Variants in CADM2 observed in about 807,000 individuals in gnomAD.
CADM2 encodes the protein immunoglobulin superfamily member 4D.
CADM2 carries 12 observed loss-of-function variants against 49.8 expected under a neutral mutation model. The observed-to-expected ratio is 0.24, with a 90% CI of 0.15 to 0.39. The LOEUF (loss-of-function observed/expected upper bound fraction) is 0.39, where lower values mean the gene tolerates loss of function less well. Ranked by LOEUF, CADM2 falls within the 10% of genes least tolerant of loss-of-function variation. CADM2 has a pLI of 1.00. For missense variants in CADM2, 378 were observed against 492.3 expected (o/e 0.77, Z 2.20); for synonymous variants, 214 against 175.4 (o/e 1.22, Z -1.74).
intron 1 of CADM2, among the ~76,000 whole-genome samples, chr3:85,285,955 A>G (rs1248126006): frequency 6.6e-6 from 1 of 152,098 alleles, no homozygotes; most frequent in Admixed American, 6.6e-5. Flanking sequence ...TGAAAATGGA[A>G]ATGTTGTACT....
intron 8 of CADM2, among the ~76,000 whole-genome samples, chr3:86,022,336 T>C (rs1014120827): frequency 3.3e-5 from 5 of 152,164 alleles, no homozygotes; most frequent in South Asian, 4.1e-4. Context: ...TTATTCCTTG[T>C]TCTCATTTAA....
chr3:85,107,585 T>TTTTC (rs1553683739), intron 1 of CADM2, among the ~76,000 whole-genome samples: 2 of 66,944 alleles, frequency 3.0e-5, no homozygotes, highest in South Asian at 4.9e-4. Context: ...TCTTTCTTTC[T>TTTTC]TTTCTTTCTT....
At chr3:85,846,183 T>TA (rs1173809645) in intron 3 of CADM2, among the ~76,000 whole-genome samples, 1 of 152,344 alleles carries the variant, frequency 6.6e-6, no homozygotes, top group South Asian at 2.1e-4. Context: ...AGAAGGTTTT[T>TA]ACTAATAGAG....
chr3:86,004,969 C>T (rs959940734), intron 8 of CADM2, among the ~76,000 whole-genome samples: 1 of 152,150 alleles, frequency 6.6e-6, no homozygotes, highest in Non-Finnish European at 1.5e-5. Flanking sequence ...CATATCTGGG[C>T]CACATGCTTT....
chr3:86,036,195 C>T (rs1356979981), intron 8 of CADM2, among the ~76,000 whole-genome samples: 2 of 152,012 alleles, frequency 1.3e-5, no homozygotes, highest in Admixed American at 6.6e-5. Context: ...TAAGTCTATG[C>T]CCACAGGAGA....
intron 1 of CADM2, among the ~76,000 whole-genome samples, chr3:85,100,953 T>G (rs546505663): frequency 6.6e-6 from 1 of 152,056 alleles, no homozygotes; most frequent in Non-Finnish European, 1.5e-5. Context: ...AAGAATAAGA[T>G]GTCATACAAA....
At position 85,288,789 on chromosome 3, in the gene CADM2, C is replaced by A. The variant is rs2043700552; in HGVS notation, c.61+329121C>A. ...GTATTCTGCTTTACCAATATGCCCC[C>A]CCCCCCTCTTTTTTTCCATCATGGC... On this transcript the variant is annotated intron_variant, in intron 1 of 9. Transcript: ENST00000383699. 1.5e-5 allele frequency among the ~76,000 whole-genome samples: 2 copies of A among 130,644 alleles called. 1 individual carries two copies. Among genetic ancestry groups the A allele is most frequent in the Admixed American group, 1.6e-4 (2 of 12,520 alleles). The allele number at this position is 130,644 out of a possible 152,430, so 85.7% of individuals were successfully genotyped here.
At chr3:85,401,996 G>A (rs1179356713) in intron 1 of CADM2, among the ~76,000 whole-genome samples, 2 of 151,904 alleles carry the variant, frequency 1.3e-5, no homozygotes, top group African/African-American at 2.4e-5. Flanking sequence ...GTTTGATAGT[G>A]GTATATTACC....
chr3:85,427,519 C>T (rs79220957), intron 1 of CADM2, among the ~76,000 whole-genome samples: 2,078 of 152,022 alleles, frequency 0.014, 118 homozygotes, highest in South Asian at 0.11. Flanking sequence ...GATAATAATA[C>T]CCTTTATAAA....
intron 1 of CADM2, among the ~76,000 whole-genome samples, chr3:85,104,317 T>A (rs1295487111): frequency 1.4e-4 from 21 of 151,648 alleles, no homozygotes; most frequent in Non-Finnish European, 2.8e-4. Flanking sequence ...CCTTTCCCCA[T>A]TGCTTGTTTT....
intron 1 of CADM2, among the ~76,000 whole-genome samples, chr3:85,003,006 G>A (rs1416533268): frequency 6.6e-6 from 1 of 151,950 alleles, no homozygotes; most frequent in Non-Finnish European, 1.5e-5. Flanking sequence ...TTCCTGCCCA[G>A]GCTTGTCTCA....
chr3:85,311,308 G>A (rs2044336242), intron 1 of CADM2, among the ~76,000 whole-genome samples: 1 of 151,318 alleles, frequency 6.6e-6, no homozygotes, highest in African/African-American at 2.4e-5. Flanking sequence ...TAATAAACAT[G>A]CATACTTTTG....
rs2061831355 is a variant in CADM2 at position 85,552,374 on chromosome 3, T to TTTTTTTTTG, written c.62-174140_62-174139insGTTTTTTTT. ...TTAAATCACTTTGAAAAGTTTTTTT[T>TTTTTTTTTG]TTTTTTTTTTTTTTTTTTTTTTGAG... is the stretch of plus-strand genomic sequence containing the variant. On this transcript the variant is annotated intron_variant, in intron 1 of 9. Coordinates refer to ENST00000383699, the MANE Select transcript of CADM2 (RefSeq NM_001167675.2). 6.0e-3 allele frequency among the ~76,000 whole-genome samples: 112 copies of TTTTTTTTTG among 18,808 alleles called. 3 individuals are homozygous for TTTTTTTTTG. The highest frequency in any genetic ancestry group is 7.2e-3 in the African/African-American group (110 of 15,264). 12.3% of individuals were successfully genotyped at this position (18,808 alleles called of 152,430 possible). A position where few individuals can be genotyped will look rare whatever the true frequency, so the allele number is the denominator to read the frequency against.
At chr3:85,354,528 T>C (rs1022457003) in intron 1 of CADM2, among the ~76,000 whole-genome samples, 1 of 150,904 alleles carries the variant, frequency 6.6e-6, no homozygotes, top group Non-Finnish European at 1.5e-5. Flanking sequence ...AGTGACCTAA[T>C]GCAGAGGAAA....
At chr3:85,798,456 G>A (rs1043442229) in intron 2 of CADM2, among the ~76,000 whole-genome samples, 11 of 152,152 alleles carry the variant, frequency 7.2e-5, no homozygotes, top group African/African-American at 2.7e-4. Context: ...TAAGGTGTAA[G>A]GAAGGGGTCC....
intron 8 of CADM2, chr3:86,012,437 C>A: frequency 4.5e-6 from 2 of 447,316 alleles, no homozygotes; most frequent in Non-Finnish European, 7.8e-6. Context: ...CCGCCCGCCC[C>A]TCGCCCGCGC....
At chr3:85,103,778 T>C (rs942309491) in intron 1 of CADM2, among the ~76,000 whole-genome samples, 1 of 152,184 alleles carries the variant, frequency 6.6e-6, no homozygotes, top group Non-Finnish European at 1.5e-5. Flanking sequence ...ACGTGAGTAC[T>C]TCAAGGAGTA....
At chr3:85,572,113 A>G (rs2062496405) in intron 1 of CADM2, among the ~76,000 whole-genome samples, 1 of 152,082 alleles carries the variant, frequency 6.6e-6, no homozygotes, top group Non-Finnish European at 1.5e-5. Context: ...CCTGACCAAC[A>G]TGGCGAAACC....
intron 1 of CADM2, among the ~76,000 whole-genome samples, chr3:85,287,503 A>G (rs2043663046): frequency 6.6e-6 from 1 of 152,104 alleles, no homozygotes; most frequent in Admixed American, 6.6e-5. Context: ...AACACTAATG[A>G]GATTTCTTCT....
Sources: allele counts gnomAD v4.1 joint callset (sites outside exome capture counted in the v4.1 genomes callset), GRCh38; gene constraint gnomAD v4.1.1; transcripts MANE v1.5; gene names NCBI Gene and HGNC (gene_info 2026-07-23, HGNC 2026-07-21).